Variants in TTLL3 observed in about 807,000 individuals in gnomAD.
TTLL3 encodes the protein tubulin tyrosine ligase like 3.
Under a neutral mutation model 75.2 loss-of-function variants are expected in TTLL3, and 63 were observed. The ratio of observed to expected loss-of-function variants is 0.84; its 90% confidence interval spans 0.68 to 1.03. The LOEUF (loss-of-function observed/expected upper bound fraction) is 1.03, where lower values mean the gene tolerates loss of function less well. Among genes scored for constraint, TTLL3 ranks in the 50% least tolerant of loss-of-function variants. The probability of loss-of-function intolerance (pLI) is 0.00; values close to 1 mark genes in which losing one functional copy is unlikely to be tolerated. For missense variants in TTLL3, 997 were observed against 1,069.9 expected, an observed-to-expected ratio of 0.93 and a Z score of 0.95; for synonymous variants, 393 against 418.5, an observed-to-expected ratio of 0.94 and a Z score of 0.74.
Position 9,819,125 on chromosome 3 carries a change from A to G in TTLL3, c.658+205A>G, listed in dbSNP as rs530605763. Reference sequence around the variant, plus strand: ...CACCCACGTATTCACCCACTCTCTGATCTACCGATTCACCCACCCACCCTT... The same window carrying G: ...CACCCACGTATTCACCCACTCTCTGGTCTACCGATTCACCCACCCACCCTT... On this transcript the variant is annotated intron_variant, in intron 7 of 13. Coordinates refer to ENST00000685419, the MANE Select transcript of TTLL3 (RefSeq NM_001387446.1). 5.4e-5 allele frequency: 35 copies of G among 644,218 alleles called. 2 individuals are homozygous for G. In the Middle Eastern group the frequency reaches 2.1e-3, roughly 39 times the overall value. The allele number at this position is 644,218 out of a possible 1,614,324, so 39.9% of individuals were successfully genotyped here.
Position 9,810,650 on chromosome 3 carries a change from A to C in TTLL3, c.-12A>C. 1 of 1,579,264 alleles carries C rather than the reference A, an allele frequency of 6.3e-7. No individual in the cohort carries two copies. The highest frequency in any genetic ancestry group is 8.6e-7 in the Non-Finnish European group (1 of 1,162,542). On this transcript the variant is annotated 5_prime_UTR_variant, in exon 2 of 14. Transcript: ENST00000685419. The surrounding 1 kb of genome is among the most constrained non-coding windows in gnomAD (Gnocchi z 4.4). The stretch of plus-strand genomic sequence containing the variant: ...CCCGGTCCTCTGGCGAGGATCCTCC[A>C]AGGCGTCTCACATGAACCGGCTCAG...
At chr3:9,825,244 G>T (rs2080911613) in intron 8 of TTLL3, among the ~76,000 whole-genome samples, 2 of 151,616 alleles carry the variant, frequency 1.3e-5, no homozygotes. Flanking sequence ...AACTACTTGG[G>T]AGGCTGAAAC....
Position 9,810,688 on chromosome 3 carries a change from C to CT in TTLL3, c.28dup (p.Tyr10LeufsTer52). ...TGAACCGGCTCAGAAACGCCAAAAT[C>CT]TACGTGGAGAGAGCTGTCAAGGTCA... On this transcript the variant is annotated frameshift_variant, in exon 2 of 14. Coordinates refer to ENST00000685419, the MANE Select transcript of TTLL3 (RefSeq NM_001387446.1). LOFTEE classifies it high-confidence loss of function. The surrounding 1 kb of genome is among the most constrained non-coding windows in gnomAD (Gnocchi z 4.4). The CT allele has an allele frequency of 6.3e-7, 1 of 1,587,792 alleles. No homozygotes were observed. The highest frequency in any genetic ancestry group is 8.6e-7 in the Non-Finnish European group (1 of 1,167,580).
At chr3:9,827,375 A>C in intron 10 of TTLL3, 135 bp downstream of exon 10, 1 of 1,432,106 alleles carries the variant, frequency 7.0e-7, no homozygotes, top group Non-Finnish European at 9.3e-7. Context: ...GCAGGCCCTC[A>C]TCCTGCCAGC....
At position 9,817,743 on chromosome 3, in the gene TTLL3, C is replaced by CA. The variant is rs767056272; in HGVS notation, c.549dup (p.Ala184SerfsTer22). 1 of 1,613,944 alleles carries CA rather than the reference C, an allele frequency of 6.2e-7. No homozygotes were observed. The highest frequency in any genetic ancestry group is 8.5e-7 in the Non-Finnish European group (1 of 1,179,974). ...GCTACTGCCTGGGGGCTGAGGATGA[C>CA]AAAAAAGCCTTCATAGGTAAGGAGA... is the stretch of plus-strand genomic sequence containing the variant. On this transcript the variant is annotated frameshift_variant, in exon 6 of 14. Coordinates refer to ENST00000685419, the MANE Select transcript of TTLL3 (RefSeq NM_001387446.1). LOFTEE classifies it high-confidence loss of function.
Position 9,816,523 on chromosome 3 carries a change from C to CT in TTLL3, c.444+332dup, listed in dbSNP as rs71052206. Among the ~76,000 whole-genome samples, 49 of 104,030 alleles carry CT rather than the reference C, an allele frequency of 4.7e-4. 4 individuals are homozygous for CT. The highest frequency in any genetic ancestry group is 3.1e-3 in the South Asian group (9 of 2,950). The allele number at this position is 104,030 out of a possible 152,430, so 68.2% of individuals were successfully genotyped here. A position where few individuals can be genotyped will look rare whatever the true frequency, so the allele number is the denominator to read the frequency against. ...GACCCATTCTGTCTTACCTGGGTTTCTTTTTTTTTTTGAGACAGAGTCTTG... is the reference window on the plus strand; with the variant it reads ...GACCCATTCTGTCTTACCTGGGTTTCTTTTTTTTTTTTGAGACAGAGTCTTG... On this transcript the variant is annotated intron_variant, in intron 5 of 13. Transcript: ENST00000685419.
chr3:9,816,109 C>G lies in TTLL3; in HGVS notation c.351C>G (p.Ile117Met), dbSNP rs756652188. ...RMVQNEIPYF[I>M]WTTRRDVLDC... The stretch of plus-strand genomic sequence containing the variant: ...TCCAGAATGAGATCCCCTACTTCAT[C>G]TGGACCACTCGGCGGGATGTGCTCG... The change falls in exon 5 of 14, where the codon ATC becomes ATG. Residue 117 changes from isoleucine (I) to methionine (M), a missense_variant. By Grantham distance (10) the Ile-to-Met change is conservative. Coordinates refer to ENST00000685419, the MANE Select transcript of TTLL3 (RefSeq NM_001387446.1). 45 of 1,351,442 alleles carry G rather than the reference C, an allele frequency of 3.3e-5. No homozygotes were observed. In the Admixed American group the frequency reaches 9.0e-4, roughly 27 times the overall value. 83.7% of individuals were successfully genotyped at this position (1,351,442 alleles called of 1,614,324 possible). A position where few individuals can be genotyped will look rare whatever the true frequency, so the allele number is the denominator to read the frequency against.
chr3:9,824,572 G>A (rs908823499), intron 8 of TTLL3, among the ~76,000 whole-genome samples: 20 of 151,892 alleles, frequency 1.3e-4, no homozygotes, highest in Admixed American at 2.0e-4. Context: ...CACCACACCC[G>A]GCTAATTTTT....
chr3:9,820,734 G>A lies in TTLL3; in HGVS notation c.847G>A (p.Val283Met), dbSNP rs749394581. ...WSLFLQRYYQ[V>M]VHEGAELRHL... ...CCTCTTCCTCCAGCGCTACTACCAA[G>A]TGGTCCAGTGAGTCCCCTGCAGCTG... is the stretch of plus-strand genomic sequence containing the variant. The change falls in exon 8 of 14, where the codon GTG (valine) becomes ATG (methionine). Residue 283 changes from valine (V) to methionine (M), a missense_variant. Val to Met is a conservative substitution (Grantham distance 21). Coordinates refer to ENST00000685419, the MANE Select transcript of TTLL3 (RefSeq NM_001387446.1). 5 of 1,613,996 alleles carry A rather than the reference G, an allele frequency of 3.1e-6. No homozygotes were observed. Among genetic ancestry groups the A allele is most frequent in the Middle Eastern group, 1.7e-4 (1 of 5,992 alleles).
rs777804808 is a variant in TTLL3 at position 9,829,015 on chromosome 3, C to A, written c.1303C>A (p.Arg435=). The part of the protein sequence containing the change: ...IQKHLENSCH[R]HPLLPPDNMW... ...GAAGCACCTGGAGAACTCATGCCAT[C>A]GGCATCCACTGCTTCCGCCAGACAA... The change falls in exon 11 of 14, where the codon CGG becomes AGG. Residue 435 remains arginine, a synonymous_variant. Transcript: ENST00000685419. 1.9e-6 allele frequency: 3 copies of A among 1,614,236 alleles called. No individual in the cohort carries two copies. The highest frequency in any genetic ancestry group is 1.7e-5 in the Admixed American group (1 of 60,026).
At chr3:9,809,902 G>T, upstream of TTLL3, 1 of 721,302 alleles carries the variant, frequency 1.4e-6, no homozygotes. Context: ...GCTTGGAACG[G>T]AGGACAAGGC....
At position 9,829,054 on chromosome 3, in the gene TTLL3, C is replaced by T. The variant is rs1291750085; in HGVS notation, c.1342C>T (p.Gln448Ter). The T allele has an allele frequency of 1.9e-6, 3 of 1,614,128 alleles. No individual in the cohort carries two copies. The highest frequency in any genetic ancestry group is 1.1e-5 in the South Asian group (1 of 91,096). The change falls in exon 11 of 14, where the codon CAG becomes TAG. Residue 448 changes from glutamine (Q) to a stop codon, truncating the protein, a stop_gained. Transcript: ENST00000685419. LOFTEE classifies it high-confidence loss of function. ...LLPPDNMWSS[Q>*]RFQAHLQEMG... ...TCCGCCAGACAACATGTGGTCTAGC[C>T]AGAGGTTCCAGGCCCACCTGCAGGA...
Position 9,810,401 on chromosome 3 carries a change from C to T in TTLL3, c.-42+7C>T. 2 of 1,413,906 alleles carry T rather than the reference C, an allele frequency of 1.4e-6. No individual in the cohort carries two copies. Among genetic ancestry groups the T allele is most frequent in the Non-Finnish European group, 1.8e-6 (2 of 1,090,974 alleles). The allele number at this position is 1,413,906 out of a possible 1,614,324, so 87.6% of individuals were successfully genotyped here. Reference sequence around the variant, plus strand: ...GACCCCTCTCCGCAGGATGGTGAGGCCCGTGCGGCCCGCTCGCTCTGGCCT... The same window carrying T: ...GACCCCTCTCCGCAGGATGGTGAGGTCCGTGCGGCCCGCTCGCTCTGGCCT... On this transcript the variant is annotated splice_region_variant and intron_variant, in intron 1 of 13. Transcript: ENST00000685419. This position sits in a 1 kb window ranked among gnomAD's most constrained non-coding sequence, Gnocchi z 4.4.
In TTLL3 at chr3:9,818,937, C is replaced by T. The variant is rs747450121; in HGVS notation, c.658+17C>T. On this transcript the variant is annotated intron_variant, in intron 7 of 13. Coordinates refer to ENST00000685419, the MANE Select transcript of TTLL3 (RefSeq NM_001387446.1). ...AGGCCTCAGGTAAGTACTGTGGTTACCTCCACTCTCCCACCCATTTATCCT... is the reference window on the plus strand; with the variant it reads ...AGGCCTCAGGTAAGTACTGTGGTTATCTCCACTCTCCCACCCATTTATCCT... The T allele has an allele frequency of 1.1e-5, 18 of 1,613,766 alleles. No homozygotes were observed. In the South Asian group the frequency reaches 1.9e-4, roughly 17 times the overall value.
chr3:9,816,982 A>G (rs1387039383), intron 5 of TTLL3, among the ~76,000 whole-genome samples: 1 of 151,956 alleles, frequency 6.6e-6, no homozygotes, highest in Non-Finnish European at 1.5e-5. Context: ...CTCTTTTTTT[A>G]TTTTTAAGAG....
rs745624417 is a variant in TTLL3 at position 9,833,177 on chromosome 3, C to T, written c.1757C>T (p.Ala586Val). 8 of 1,614,008 alleles carry T rather than the reference C, an allele frequency of 5.0e-6. No homozygotes were observed. The Admixed American group carries it at 5.0e-5, about 10-fold the overall frequency. ...VEGFTIKKPM[A>V]MCHRRMGVRP... ...GGCTTCACCATCAAGAAGCCCATGG[C>T]GATGTGTCATCGGCGGATGGGGGTC... is the stretch of plus-strand genomic sequence containing the variant. Residue 586 changes from alanine (A) to valine (V), a missense_variant, in exon 12 of 14, where the codon GCG (alanine) becomes GTG (valine). Physicochemically the swap from Ala to Val is moderately conservative, Grantham distance 64. Transcript: ENST00000685419.
At chr3:9,818,790 G>A (rs777985578) in intron 6 of TTLL3, 32 bp from the exon 7 acceptor site, 1 of 1,613,724 alleles carries the variant, frequency 6.2e-7, no homozygotes, top group Non-Finnish European at 8.5e-7. Context: ...AAGCCTAGGG[G>A]CTGAGCAGGG....
chr3:9,822,735 T>TTATA (rs58781972), intron 8 of TTLL3, among the ~76,000 whole-genome samples: 1 of 138,826 alleles, frequency 7.2e-6, no homozygotes, highest in Admixed American at 7.7e-5. Context: ...ATATTATGTA[T>TTATA]TATATATATT....
intron 2 of TTLL3, among the ~76,000 whole-genome samples, chr3:9,811,966 A>T (rs1185211905): frequency 6.6e-6 from 1 of 152,208 alleles, no homozygotes; most frequent in East Asian, 1.9e-4. Context: ...AACTGCCAGG[A>T]TGTAAATCCC....
Sources: allele counts gnomAD v4.1 joint callset (sites outside exome capture counted in the v4.1 genomes callset), GRCh38; gene constraint gnomAD v4.1.1; non-coding constraint Gnocchi (gnomAD v3.1); transcripts MANE v1.5; gene names NCBI Gene and HGNC (gene_info 2026-07-23, HGNC 2026-07-21).